The following BBS9 variants were observed in gnomAD, a reference collection of about 807,000 sequenced individuals.
The protein encoded by BBS9 is Bardet-Biedl syndrome 9, also known as protein PTHB1.
Under a neutral mutation model 117.7 loss-of-function variants are expected in BBS9, and 89 were observed. The ratio of observed to expected loss-of-function variants is 0.76; its 90% confidence interval spans 0.64 to 0.90. The LOEUF is 0.90. BBS9 is among the 40% of genes least tolerant of loss of function. The pLI is 0.00. For missense variants in BBS9, 982 were observed against 1,042.2 expected, an observed-to-expected ratio of 0.94 and a Z score of 0.80; for synonymous variants, 379 against 370.9, an observed-to-expected ratio of 1.02 and a Z score of -0.25.
intron 5 of BBS9, among the ~76,000 whole-genome samples, chr7:33,191,486 C>G (rs182251218): frequency 6.6e-5 from 10 of 152,264 alleles, no homozygotes; most frequent in Admixed American, 4.6e-4. Context: ...TTCACTTTCT[C>G]TCCTAGGACC....
chr7:33,485,413 C>G (rs1283354127), intron 19 of BBS9, among the ~76,000 whole-genome samples: 1 of 151,418 alleles, frequency 6.6e-6, no homozygotes, highest in Non-Finnish European at 1.5e-5. Flanking sequence ...GGGTTCATGC[C>G]ATTCTCCTGC....
chr7:33,160,429 G>A (rs961759050), intron 4 of BBS9, among the ~76,000 whole-genome samples: 8 of 152,166 alleles, frequency 5.3e-5, no homozygotes, highest in African/African-American at 1.2e-4. Context: ...GGTATTCCAT[G>A]TATAAGGCTG....
intron 19 of BBS9, among the ~76,000 whole-genome samples, chr7:33,461,642 A>T (rs891288410): frequency 1.3e-5 from 2 of 151,988 alleles, no homozygotes; most frequent in Non-Finnish European, 2.9e-5. Context: ...TCTATTTTCC[A>T]TATGACTTCA....
intron 20 of BBS9, among the ~76,000 whole-genome samples, chr7:33,529,303 G>A (rs1850193017): frequency 6.6e-6 from 1 of 152,198 alleles, no homozygotes; most frequent in South Asian, 2.1e-4. Flanking sequence ...CAGGTAGCAG[G>A]CAGGGCCTCG....
intron 19 of BBS9, among the ~76,000 whole-genome samples, chr7:33,498,385 G>A (rs960024297): frequency 6.6e-6 from 1 of 152,070 alleles, no homozygotes; most frequent in African/African-American, 2.4e-5. Context: ...GTCATTTAAA[G>A]AGTATAATTC....
intron 5 of BBS9, among the ~76,000 whole-genome samples, chr7:33,239,479 G>A (rs1358931305): frequency 1.3e-5 from 2 of 151,358 alleles, no homozygotes; most frequent in South Asian, 2.1e-4. Context: ...GTGCAATCTC[G>A]GCTCACTGCA....
intron 9 of BBS9, among the ~76,000 whole-genome samples, chr7:33,277,300 T>C (rs535442179): frequency 6.6e-6 from 1 of 152,340 alleles, no homozygotes; most frequent in South Asian, 2.1e-4. Context: ...TCAATGCTCC[T>C]GTTTTTGTCA....
chr7:33,607,787 A>G (rs147346554), downstream of BBS9, among the ~76,000 whole-genome samples: 809 of 152,120 alleles, frequency 5.3e-3, 2 homozygotes, highest in Non-Finnish European at 8.3e-3. Context: ...ATCATTTGTA[A>G]TGTCAGCCAG....
Position 33,605,807 on chromosome 7 carries a change from T to C in BBS9, c.*581T>C, listed in dbSNP as rs533008513. 6.4e-6 allele frequency: 1 copy of C among 155,432 alleles called. No individual in the cohort carries two copies. Among genetic ancestry groups the C allele is most frequent in the African/African-American group, 2.4e-5 (1 of 41,592 alleles). The allele number at this position is 155,432 out of a possible 1,614,324, so 9.6% of individuals were successfully genotyped here. On this transcript the variant is annotated 3_prime_UTR_variant, in exon 23 of 23. Coordinates refer to ENST00000242067, the MANE Select transcript of BBS9 (RefSeq NM_198428.3). ...TTTCATGTGATTTGTTCTATTAAGC[T>C]AAACGTGGAAGAAGGGAAGTTTTCT...
In BBS9 at chr7:33,550,024, C is replaced by T. The variant is rs139754701; in HGVS notation, c.2521+15848C>T. On this transcript the variant is annotated intron_variant, in intron 21 of 22. Coordinates refer to ENST00000242067, the MANE Select transcript of BBS9 (RefSeq NM_198428.3). ...CAGATTCTGGCTCTAAAAATAAAAT[C>T]ATGAAGGGATTTCTACTGATTCATA... is the stretch of plus-strand genomic sequence containing the variant. Among the ~76,000 whole-genome samples, 492 of 150,152 alleles carry T rather than the reference C, an allele frequency of 3.3e-3. 2 individuals are homozygous for T. Among genetic ancestry groups the T allele is most frequent in the African/African-American group, 0.012 (475 of 40,506 alleles).
At chr7:33,275,574 G>C (rs143221932) in intron 9 of BBS9, among the ~76,000 whole-genome samples, 221 of 152,270 alleles carry the variant, frequency 1.5e-3, no homozygotes, top group African/African-American at 5.0e-3. Context: ...TGGTGAGTAT[G>C]GGTCTCATTT....
chr7:33,344,183 GCC>G (rs1817149265), intron 11 of BBS9, among the ~76,000 whole-genome samples: 2 of 143,738 alleles, frequency 1.4e-5, no homozygotes, highest in African/African-American at 2.6e-5. Context: ...CCGGGTTCAT[GCC>G]ATTCTCCTGC....
At chr7:33,550,600 T>C (rs192052451) in intron 21 of BBS9, among the ~76,000 whole-genome samples, 1 of 152,282 alleles carries the variant, frequency 6.6e-6, no homozygotes, top group East Asian at 1.9e-4. Context: ...AGAACTGTCA[T>C]GCTGAATGAA....
intron 20 of BBS9, among the ~76,000 whole-genome samples, chr7:33,527,541 T>C (rs1231106459): frequency 6.6e-6 from 1 of 152,136 alleles, no homozygotes; most frequent in Non-Finnish European, 1.5e-5. Flanking sequence ...TTTCTTTGAC[T>C]CGGAAAGGGA....
intron 19 of BBS9, among the ~76,000 whole-genome samples, chr7:33,414,023 TCAAAA>T (rs112875048): frequency 4.6e-5 from 7 of 151,530 alleles, no homozygotes; most frequent in African/African-American, 9.7e-5. Flanking sequence ...AAACTCCCTC[TCAAAA>T]CAAAACAAAA....
intron 19 of BBS9, among the ~76,000 whole-genome samples, chr7:33,438,711 A>G (rs563784760): frequency 6.6e-6 from 1 of 152,240 alleles, no homozygotes; most frequent in East Asian, 1.9e-4. Context: ...GAGCACAATT[A>G]GATACAGTAT....
chr7:33,361,388 GA>G (rs1375895560), intron 16 of BBS9, among the ~76,000 whole-genome samples: 3 of 152,062 alleles, frequency 2.0e-5, no homozygotes, highest in Non-Finnish European at 2.9e-5. Flanking sequence ...CCATTGTTTG[GA>G]GGTGTCATGT....
chr7:33,450,520 A>G (rs906417118), intron 19 of BBS9, among the ~76,000 whole-genome samples: 3 of 152,198 alleles, frequency 2.0e-5, no homozygotes, highest in Non-Finnish European at 2.9e-5. Context: ...GTTTCTCCAC[A>G]TCTTCACTAA....
chr7:33,575,952 C>T (rs1394871905), intron 21 of BBS9, among the ~76,000 whole-genome samples: 2 of 152,268 alleles, frequency 1.3e-5, no homozygotes, highest in Admixed American at 6.5e-5. Context: ...CAGTATCATA[C>T]TGAATGGGCA....
Sources: allele counts gnomAD v4.1 joint callset (sites outside exome capture counted in the v4.1 genomes callset), GRCh38; gene constraint gnomAD v4.1.1; transcripts MANE v1.5; gene names NCBI Gene and HGNC (gene_info 2026-07-23, HGNC 2026-07-21).